SGCD: variants seen among roughly 807,000 people sequenced by gnomAD.
The protein encoded by SGCD is sarcoglycan delta.
In SGCD, 18 loss-of-function variants were observed where a neutral mutation model predicts 36.6. The ratio of observed to expected loss-of-function variants is 0.49; its 90% CI spans 0.34 to 0.73. The LOEUF (loss-of-function observed/expected upper bound fraction) is 0.73. Among genes scored for constraint, SGCD ranks in the 30% least tolerant of loss-of-function variants. The probability of loss-of-function intolerance (pLI) is 0.01; values close to 1 mark genes in which losing one functional copy is unlikely to be tolerated. For synonymous variants in SGCD, 133 were observed against 130.6 expected, an observed-to-expected ratio of 1.02 and a Z score of -0.12; for missense variants, 387 against 346.7, an observed-to-expected ratio of 1.12 and a Z score of -0.92.
intron 3 of SGCD, among the ~76,000 whole-genome samples, chr5:156,287,415 C>T (rs1273543573): frequency 2.0e-5 from 3 of 151,834 alleles, no homozygotes; most frequent in South Asian, 2.1e-4. Flanking sequence ...CCTAGAAAGG[C>T]GCATGAAACC....
chr5:156,524,973 A>G (rs1157368835), intron 4 of SGCD, among the ~76,000 whole-genome samples: 2 of 151,966 alleles, frequency 1.3e-5, no homozygotes, highest in African/African-American at 4.8e-5. Context: ...TTGCTCATTC[A>G]TCTGTCAGTT....
intron 3 of SGCD, among the ~76,000 whole-genome samples, chr5:156,258,891 CT>C (rs1316489779): frequency 6.6e-6 from 1 of 151,902 alleles, no homozygotes; most frequent in Non-Finnish European, 1.5e-5. Flanking sequence ...CTTTGGGCTC[CT>C]TAAGAGAGTA....
rs1325183097 is a variant in SGCD, at chr5:156,063,566, G to C, written c.-281-54312G>C. 1.4e-4 allele frequency among the ~76,000 whole-genome samples: 16 copies of C among 112,908 alleles called. 2 individuals are homozygous for C. Among genetic ancestry groups the C allele is most frequent in the Admixed American group, 1.1e-3 (13 of 11,690 alleles). The allele number at this position is 112,908 out of a possible 152,430, so 74.1% of individuals were successfully genotyped here. On this transcript the variant is annotated intron_variant, in intron 1 of 9. Transcript: ENST00000517913. Reference sequence around the variant, plus strand: ...CGATATTGATTCTTCCTACCCATGAGCATGGAATGTTCTTCCATTTGTTTG... The same window carrying C: ...CGATATTGATTCTTCCTACCCATGACCATGGAATGTTCTTCCATTTGTTTG...
chr5:155,824,994 G>T, the SGCD span, among the ~76,000 whole-genome samples: 1 of 152,096 alleles, frequency 6.6e-6, no homozygotes, highest in Non-Finnish European at 1.5e-5. Context: ...GGTAGTTAAC[G>T]CAAAGGCAGT....
intron 3 of SGCD, among the ~76,000 whole-genome samples, chr5:156,134,851 T>A (rs1294407515): frequency 6.6e-6 from 1 of 152,018 alleles, no homozygotes; most frequent in African/African-American, 2.4e-5. Flanking sequence ...TAATAAAAAA[T>A]AATAATAATA....
At chr5:156,342,433 A>T (rs2127714397) in intron 2 of SGCD, among the ~76,000 whole-genome samples, 1 of 152,384 alleles carries the variant, frequency 6.6e-6, no homozygotes, top group South Asian at 2.1e-4. Context: ...ATTCACAATT[A>T]GTTGATTAAT....
chr5:155,780,296 A>G, the SGCD span, among the ~76,000 whole-genome samples: 1 of 152,296 alleles, frequency 6.6e-6, no homozygotes, highest in South Asian at 2.1e-4. Context: ...TGTGTTGTCT[A>G]CATATCTGAG....
intron 6 of SGCD, among the ~76,000 whole-genome samples, chr5:156,621,722 G>T (rs1762257327): frequency 6.6e-6 from 1 of 152,208 alleles, no homozygotes; most frequent in Non-Finnish European, 1.5e-5. Flanking sequence ...ACAAAGTCCT[G>T]TTGAAGCATA....
chr5:156,126,760 C>G (rs530702447), intron 3 of SGCD, among the ~76,000 whole-genome samples: 35 of 152,226 alleles, frequency 2.3e-4, no homozygotes, highest in African/African-American at 8.4e-4. Context: ...ATCAAAGTTC[C>G]AATAAAGCTC....
chr5:155,730,820 G>A, the SGCD span, among the ~76,000 whole-genome samples: 7 of 152,202 alleles, frequency 4.6e-5, no homozygotes, highest in African/African-American at 1.7e-4. Context: ...GAATTTTCCT[G>A]CATCCTTCCA....
chr5:156,609,503 G>A (rs1761670256), intron 6 of SGCD, among the ~76,000 whole-genome samples: 1 of 152,150 alleles, frequency 6.6e-6, no homozygotes, highest in Non-Finnish European at 1.5e-5. Context: ...CCACTTTGGT[G>A]AATCTGACAA....
At chr5:155,755,248 A>G in the SGCD span, among the ~76,000 whole-genome samples, 1,471 of 152,306 alleles carry the variant, frequency 9.7e-3, 25 homozygotes, top group African/African-American at 0.034. Context: ...TTAACTGGTA[A>G]ACACATTTAT....
chr5:156,011,633 T>G (rs2127570851), intron 1 of SGCD, among the ~76,000 whole-genome samples: 1 of 152,242 alleles, frequency 6.6e-6, no homozygotes, highest in African/African-American at 2.4e-5. Flanking sequence ...AAAGACAGGG[T>G]TTCACCATCT....
At chr5:156,548,472 A>G (rs944349446) in intron 4 of SGCD, among the ~76,000 whole-genome samples, 1 of 152,246 alleles carries the variant, frequency 6.6e-6, no homozygotes, top group Admixed American at 6.5e-5. Flanking sequence ...AGACAAGAGC[A>G]TATAGGGTTA....
chr5:156,606,306 C>G (rs1353818373), intron 6 of SGCD, among the ~76,000 whole-genome samples: 1 of 152,188 alleles, frequency 6.6e-6, no homozygotes, highest in Non-Finnish European at 1.5e-5. Context: ...ATAGGGAATC[C>G]TTTCCCCATT....
intron 1 of SGCD, among the ~76,000 whole-genome samples, chr5:156,009,915 A>T (rs1440924708): frequency 1.3e-5 from 2 of 152,302 alleles, no homozygotes; most frequent in East Asian, 3.9e-4. Context: ...AAAAAATAAA[A>T]AGCTAAGCAT....
At chr5:156,748,205 G>C (rs1757018153) in intron 7 of SGCD, among the ~76,000 whole-genome samples, 1 of 152,190 alleles carries the variant, frequency 6.6e-6, no homozygotes, top group Non-Finnish European at 1.5e-5. Flanking sequence ...AAGAATGCGT[G>C]CCTCTGGAGG....
At chr5:155,973,232 T>C (rs1171188404) in intron 1 of SGCD, among the ~76,000 whole-genome samples, 2 of 152,200 alleles carry the variant, frequency 1.3e-5, no homozygotes, top group African/African-American at 2.4e-5. Flanking sequence ...CACATCCATT[T>C]GCAGTGAAGT....
At chr5:155,892,755 T>G (rs1756165614) in intron 1 of SGCD, among the ~76,000 whole-genome samples, 1 of 152,250 alleles carries the variant, frequency 6.6e-6, no homozygotes, top group Admixed American at 6.5e-5. Flanking sequence ...TTTCATTCTT[T>G]TTATGGCTGA....
Sources: gnomAD v4.1 joint callset for allele counts (sites outside exome capture counted in the v4.1 genomes callset) on GRCh38, gnomAD v4.1.1 for gene constraint, MANE v1.5 for transcripts, NCBI Gene and HGNC (gene_info 2026-07-23, HGNC 2026-07-21) for gene names.